AGBL4: variants seen among roughly 807,000 people sequenced by gnomAD.
The protein encoded by AGBL4 is cytosolic carboxypeptidase 6.
AGBL4 carries 58 observed loss-of-function variants against 66.4 expected under a neutral mutation model. The ratio of observed to expected loss-of-function variants is 0.87; its 90% CI spans 0.71 to 1.09. The LOEUF (loss-of-function observed/expected upper bound fraction) is 1.09, where lower values mean the gene tolerates loss of function less well. Among genes scored for constraint, AGBL4 ranks in the 50% least tolerant of loss-of-function variants. AGBL4 has a pLI of 0.00. For missense variants in AGBL4, 579 were observed against 631.0 expected, an observed-to-expected ratio of 0.92 and a Z score of 0.88; for synonymous variants, 234 against 222.9, an observed-to-expected ratio of 1.05 and a Z score of -0.44.
At chr1:49,820,634 C>G (rs559632636) in intron 2 of AGBL4, among the ~76,000 whole-genome samples, 1 of 152,174 alleles carries the variant, frequency 6.6e-6, no homozygotes, top group Admixed American at 6.5e-5. Flanking sequence ...ACATTCCTAT[C>G]TACTCAACTC....
At chr1:49,211,876 T>C (rs572271885) in intron 4 of AGBL4, among the ~76,000 whole-genome samples, 4 of 152,126 alleles carry the variant, frequency 2.6e-5, no homozygotes, top group Non-Finnish European at 5.9e-5. Flanking sequence ...ACCAGTTTAA[T>C]AGATAATCAT....
At chr1:48,584,458 C>T (rs887329591) in intron 11 of AGBL4, 6 of 152,270 alleles carry the variant, frequency 3.9e-5, no homozygotes, top group African/African-American at 1.4e-4. Flanking sequence ...TGGCTTACAC[C>T]TGTAATCTCA....
intron 6 of AGBL4, among the ~76,000 whole-genome samples, chr1:48,735,928 C>G (rs1648968928): frequency 6.6e-6 from 1 of 152,162 alleles, no homozygotes; most frequent in African/African-American, 2.4e-5. Flanking sequence ...CCCCCGTCCC[C>G]AGGAATTCTT....
At chr1:48,955,572 C>G (rs1209949612) in intron 5 of AGBL4, among the ~76,000 whole-genome samples, 2 of 152,168 alleles carry the variant, frequency 1.3e-5, no homozygotes, top group Admixed American at 1.3e-4. Context: ...GGCTGCAGTG[C>G]AGTAGTGCAA....
intron 6 of AGBL4, among the ~76,000 whole-genome samples, chr1:48,707,225 C>T (rs1646894787): frequency 2.0e-5 from 3 of 152,144 alleles, no homozygotes; most frequent in African/African-American, 4.8e-5. Flanking sequence ...GCCCAGGAGG[C>T]GGAGGTTGCA....
chr1:49,618,805 G>C (rs1229225612), intron 3 of AGBL4, among the ~76,000 whole-genome samples: 1 of 152,124 alleles, frequency 6.6e-6, no homozygotes, highest in African/African-American at 2.4e-5. Flanking sequence ...GGGATGCAAG[G>C]CTGGTTCAAC....
intron 8 of AGBL4, among the ~76,000 whole-genome samples, chr1:48,643,162 C>T (rs1449743377): frequency 1.3e-5 from 2 of 152,204 alleles, no homozygotes; most frequent in Non-Finnish European, 2.9e-5. Flanking sequence ...CCTTCACAAT[C>T]TGGTCCCCAG....
At chr1:48,735,024 T>A (rs1353178239) in intron 6 of AGBL4, among the ~76,000 whole-genome samples, 2 of 152,246 alleles carry the variant, frequency 1.3e-5, no homozygotes, top group African/African-American at 4.8e-5. Flanking sequence ...TTACTTAACA[T>A]TTCTGTGTCT....
At chr1:48,721,659 C>A (rs1446015845) in intron 6 of AGBL4, among the ~76,000 whole-genome samples, 3 of 152,208 alleles carry the variant, frequency 2.0e-5, no homozygotes, top group Non-Finnish European at 2.9e-5. Flanking sequence ...CAGCACTGCC[C>A]AGATCAGGGA....
intron 3 of AGBL4, among the ~76,000 whole-genome samples, chr1:49,669,715 T>C (rs1352946883): frequency 6.6e-6 from 1 of 152,156 alleles, no homozygotes; most frequent in Non-Finnish European, 1.5e-5. Flanking sequence ...TTGTGTTAGG[T>C]GCTCTGAATA....
At chr1:49,913,242 C>T (rs1326997808) in intron 1 of AGBL4, among the ~76,000 whole-genome samples, 3 of 152,144 alleles carry the variant, frequency 2.0e-5, no homozygotes, top group African/African-American at 7.2e-5. Context: ...CCTGTCAAAT[C>T]GAAGCAAGTT....
intron 5 of AGBL4, among the ~76,000 whole-genome samples, chr1:48,991,897 T>A: frequency 6.6e-6 from 1 of 152,184 alleles, no homozygotes; most frequent in East Asian, 1.9e-4. Context: ...CTTGTCTGTG[T>A]TATCTTGAAT....
At chr1:48,858,084 G>T (rs1007447538) in intron 6 of AGBL4, among the ~76,000 whole-genome samples, 1 of 152,088 alleles carries the variant, frequency 6.6e-6, no homozygotes, top group Admixed American at 6.6e-5. Flanking sequence ...AAATACATTT[G>T]TTATCATTAG....
chr1:49,086,162 A>G (rs1315112050), intron 4 of AGBL4, among the ~76,000 whole-genome samples: 1 of 151,872 alleles, frequency 6.6e-6, no homozygotes, highest in Non-Finnish European at 1.5e-5. Context: ...AATACCTGCT[A>G]GAGCTTCTAG....
intron 2 of AGBL4, among the ~76,000 whole-genome samples, chr1:49,801,740 A>G (rs549569977): frequency 1.3e-5 from 2 of 152,358 alleles, no homozygotes; most frequent in South Asian, 4.1e-4. Flanking sequence ...ATACATTACC[A>G]TACTAAGCAA....
chr1:49,987,503 C>T (rs966608695), intron 1 of AGBL4, among the ~76,000 whole-genome samples: 5 of 152,058 alleles, frequency 3.3e-5, no homozygotes, highest in African/African-American at 1.2e-4. Context: ...TATTTCAAGA[C>T]ATCTAGAAAA....
At chr1:49,412,098 TA>T (rs557147594) in intron 3 of AGBL4, among the ~76,000 whole-genome samples, 26 of 152,098 alleles carry the variant, frequency 1.7e-4, no homozygotes, top group East Asian at 5.8e-4. Flanking sequence ...TTTCTTTTCA[TA>T]AAAAAAATCT....
chr1:49,851,748 C>T (rs1646311254), intron 1 of AGBL4, among the ~76,000 whole-genome samples: 1 of 152,054 alleles, frequency 6.6e-6, no homozygotes, highest in Admixed American at 6.6e-5. Flanking sequence ...AGCAATCAAC[C>T]TAGTATCTTT....
At position 49,793,583 on chromosome 1, in the gene AGBL4, T is replaced by C. The variant is rs1261389774; in HGVS notation, c.157+57813A>G. On this transcript the variant is annotated intron_variant, in intron 2 of 13. Coordinates refer to ENST00000371839, the MANE Select transcript of AGBL4 (RefSeq NM_032785.4). The stretch of plus-strand genomic sequence containing the variant: ...TTTCTGGCTTGAGCATCTGCGTAAA[T>C]AGTAGGTCTCAACATAATGATGGGG... Among the ~76,000 whole-genome samples the C allele has an allele frequency of 3.3e-5, 5 of 151,932 alleles. No homozygotes were observed. In the South Asian group the frequency reaches 6.2e-4, roughly 19 times the overall value.
Sources: allele counts gnomAD v4.1 joint callset (sites outside exome capture counted in the v4.1 genomes callset), GRCh38; gene constraint gnomAD v4.1.1; transcripts MANE v1.5; gene names NCBI Gene and HGNC (gene_info 2026-07-23, HGNC 2026-07-21).